The following ACTN1 variants were observed in gnomAD, a reference collection of about 807,000 sequenced individuals.
ACTN1 encodes actinin alpha 1.
A neutral mutation model predicts 119.6 loss-of-function variants in ACTN1; 30 were observed. That is an observed-to-expected ratio of 0.25 (90% CI 0.19 to 0.34). The LOEUF is 0.34. ACTN1 is among the 10% of genes least tolerant of loss of function. The pLI is 1.00. For synonymous variants in ACTN1, 429 were observed against 472.6 expected (o/e 0.91, Z 1.20); for missense variants, 764 against 1,223.4 (o/e 0.62, Z 5.60).
At chr14:68,875,045 C>T in intron 21 of ACTN1, 28 bp from the exon 22 acceptor site, 1 of 1,609,622 alleles carries the variant, frequency 6.2e-7, no homozygotes, top group Non-Finnish European at 8.5e-7. Context: ...TCAGGAAGGC[C>T]GCAAAGTCCA....
rs2033890271 is a variant in ACTN1, at chr14:68,909,759, C to G, written c.515+196G>C. Among the ~76,000 whole-genome samples the G allele has an allele frequency of 6.6e-6, 1 of 152,150 alleles. No homozygotes were observed. On this transcript the variant is annotated intron_variant, in intron 5 of 21. Coordinates refer to ENST00000394419, the MANE Select transcript of ACTN1 (RefSeq NM_001130004.2). This position sits in a 1 kb window ranked among gnomAD's most constrained non-coding sequence, Gnocchi z 4.1. ...AACCAAAGTTATATCAGGCAGCAGC[C>G]CCATCTAAGACACTGCAGGGAGAGA... is the stretch of plus-strand genomic sequence containing the variant.
At chr14:68,890,413 A>G in intron 10 of ACTN1, 127 bp from the exon 11 acceptor site, 2 of 1,132,928 alleles carry the variant, frequency 1.8e-6, no homozygotes, top group South Asian at 1.6e-5. Context: ...TCTGCCCCAT[A>G]TCCACCCTAG....
intron 1 of ACTN1, among the ~76,000 whole-genome samples, chr14:68,965,912 G>C (rs938352111): frequency 1.3e-5 from 2 of 152,190 alleles, no homozygotes; most frequent in African/African-American, 4.8e-5. Flanking sequence ...TCAACTGCAA[G>C]GTCACCTTTA....
At position 68,890,265 on chromosome 14, in the gene ACTN1, A is replaced by T. The variant is rs936028784; in HGVS notation, c.1108T>A (p.Cys370Ser). ...MVSDINNAWG[C>S]LEQVEKGYEE... ...TAGCCCTTCTCCACCTGCTCCAGGC[A>T]GCCCCAGGCATTGTTGATGTCCTGT... The change falls in exon 11 of 22, where the codon TGC becomes AGC. Residue 370 changes from cysteine (C) to serine (S), a missense_variant. Coordinates refer to ENST00000394419, the MANE Select transcript of ACTN1 (RefSeq NM_001130004.2). 6.2e-7 allele frequency: 1 copy of T among 1,614,188 alleles called. No homozygotes were observed. The highest frequency in any genetic ancestry group is 1.6e-4 in the Middle Eastern group (1 of 6,062).
At chr14:68,965,231 G>C (rs1373156467) in intron 1 of ACTN1, among the ~76,000 whole-genome samples, 1 of 152,262 alleles carries the variant, frequency 6.6e-6, no homozygotes, top group South Asian at 2.1e-4. Flanking sequence ...TGAGGGAGAA[G>C]AGGGGTAGGT....
chr14:68,943,332 G>A (rs1421519315), intron 1 of ACTN1, among the ~76,000 whole-genome samples: 4 of 152,232 alleles, frequency 2.6e-5, no homozygotes, highest in Non-Finnish European at 4.4e-5. Flanking sequence ...GTCCACCTCT[G>A]CTGAGAAGCC....
chr14:68,905,171 TCTAGA>T (rs1024630445), intron 6 of ACTN1, among the ~76,000 whole-genome samples: 8 of 152,278 alleles, frequency 5.3e-5, no homozygotes, highest in African/African-American at 1.9e-4. Context: ...AGCTCTAAAC[TCTAGA>T]CTAGTCAAGA....
Position 68,879,684 on chromosome 14 carries a change from T to A in ACTN1, c.2280+278A>T, listed in dbSNP as rs1306452934. Among the ~76,000 whole-genome samples the A allele has an allele frequency of 1.3e-5, 2 of 151,974 alleles. No homozygotes were observed. Among genetic ancestry groups the A allele is most frequent in the African/African-American group, 4.8e-5 (2 of 41,316 alleles). ...GCAGCAAGCCTTCACTGAGGGTGAC[T>A]CCTCATGGTAGGAGAGCAAGGATCA... On this transcript the variant is annotated intron_variant, in intron 18 of 21. Transcript: ENST00000394419. This position sits in a 1 kb window ranked among gnomAD's most constrained non-coding sequence, Gnocchi z 4.9.
intron 1 of ACTN1, among the ~76,000 whole-genome samples, chr14:68,968,143 C>CCA (rs2036763962): frequency 6.6e-6 from 1 of 152,168 alleles, no homozygotes; most frequent in Non-Finnish European, 1.5e-5. Context: ...ACACCAGATG[C>CCA]CACACACACG....
rs2031895683 is a variant in ACTN1, at chr14:68,885,256, T to A, written c.1385+169A>T. Among the ~76,000 whole-genome samples the A allele has an allele frequency of 6.6e-6, 1 of 151,824 alleles. No individual in the cohort carries two copies. Among genetic ancestry groups the A allele is most frequent in the African/African-American group, 2.4e-5 (1 of 41,294 alleles). ...AGGATGGCAGTGGTCCCGGGCTCCTTCCCCACCAGGAGAGATATTTGTCTC... is the reference window on the plus strand; with the variant it reads ...AGGATGGCAGTGGTCCCGGGCTCCTACCCCACCAGGAGAGATATTTGTCTC... On this transcript the variant is annotated intron_variant, in intron 12 of 21. Transcript: ENST00000394419. This position sits in a 1 kb window ranked among gnomAD's most constrained non-coding sequence, Gnocchi z 5.6.
At chr14:68,949,142 C>G (rs2036042705) in intron 1 of ACTN1, among the ~76,000 whole-genome samples, 1 of 152,184 alleles carries the variant, frequency 6.6e-6, no homozygotes, top group African/African-American at 2.4e-5. Flanking sequence ...CACACTAACC[C>G]TCTGGGAGAG....
chr14:68,965,511 C>T (rs551171628), intron 1 of ACTN1, among the ~76,000 whole-genome samples: 1 of 152,320 alleles, frequency 6.6e-6, no homozygotes, highest in South Asian at 2.1e-4. Context: ...TATGATCAGT[C>T]CACCTTGCAA....
At position 68,890,796 on chromosome 14, in the gene ACTN1, G is replaced by A. The variant is rs140398438; in HGVS notation, c.1087-510C>T. Among the ~76,000 whole-genome samples the A allele has an allele frequency of 3.5e-3, 532 of 152,244 alleles. 1 individual carries two copies. Among genetic ancestry groups the A allele is most frequent in the Middle Eastern group, 0.024 (7 of 294 alleles). The stretch of plus-strand genomic sequence containing the variant: ...ACAGAGACCCCGGCCTGGGTGAGCC[G>A]GCCAGAATTCTGGGAGGACAGATGC... On this transcript the variant is annotated intron_variant, in intron 10 of 21. Transcript: ENST00000394419.
chr14:68,887,561 C>G, intron 11 of ACTN1: 10 of 1,341,626 alleles, frequency 7.5e-6, no homozygotes, highest in Non-Finnish European at 9.9e-6. Context: ...ATATCCCACA[C>G]TATTTTCTGG....
At chr14:68,968,256 G>T (rs909199313) in intron 1 of ACTN1, among the ~76,000 whole-genome samples, 4 of 152,216 alleles carry the variant, frequency 2.6e-5, no homozygotes, top group Admixed American at 2.6e-4. Context: ...GGTGGCAGGT[G>T]TAACATACGA....
chr14:68,881,235 G>T, intron 16 of ACTN1: 1 of 416,214 alleles, frequency 2.4e-6, no homozygotes, highest in Non-Finnish European at 4.3e-6. Context: ...ACCAACTCTC[G>T]GGTACCTGTC....
chr14:68,884,807 C>T lies in ACTN1; in HGVS notation c.1462G>A (p.Ala488Thr), dbSNP rs745831948. 1 of 1,614,068 alleles carries T rather than the reference C, an allele frequency of 6.2e-7. No homozygotes were observed. Among genetic ancestry groups the T allele is most frequent in the Non-Finnish European group, 8.5e-7 (1 of 1,179,904 alleles). Residue 488 changes from alanine (A) to threonine (T), a missense_variant, in exon 13 of 22, where the codon GCC becomes ACC. By Grantham distance (58) the Ala-to-Thr change is moderately conservative. This residue lies in a region of ACTN1 where 544 missense variants were observed against 912.0 expected (regional missense o/e 0.60). Coordinates refer to ENST00000394419, the MANE Select transcript of ACTN1 (RefSeq NM_001130004.2). ...KICDQWDNLG[A>T]LTQKRREALE... Reference sequence around the variant, plus strand: ...GCTTCCCTTCGCTTCTGAGTTAGGGCCCCCAGATTGTCCCACTGGTCACAG... The same window carrying T: ...GCTTCCCTTCGCTTCTGAGTTAGGGTCCCCAGATTGTCCCACTGGTCACAG...
intron 1 of ACTN1, among the ~76,000 whole-genome samples, chr14:68,926,065 C>T (rs924063419): frequency 2.0e-5 from 3 of 152,130 alleles, no homozygotes; most frequent in South Asian, 2.1e-4. Flanking sequence ...AGAGTAACCC[C>T]GAAGGAACAT....
At position 68,882,980 on chromosome 14, in the gene ACTN1, T is replaced by A; in HGVS notation, c.1711A>T (p.Ile571Phe). 6.2e-7 allele frequency: 1 copy of A among 1,614,236 alleles called. No individual in the cohort carries two copies. Among genetic ancestry groups the A allele is most frequent in the Non-Finnish European group, 8.5e-7 (1 of 1,180,046 alleles). ...ADKERLAILG[I>F]HNEVSKIVQT... is the part of the protein sequence containing the mutation. ...ACAATCTTGGACACCTCATTGTGGA[T>A]GCCCAGGATGGCCAGGCGCTCCTTG... The change falls in exon 15 of 22, where the codon ATC becomes TTC. Residue 571 changes from isoleucine to phenylalanine, a missense_variant. Ile to Phe is a conservative substitution (Grantham distance 21). Coordinates refer to ENST00000394419, the MANE Select transcript of ACTN1 (RefSeq NM_001130004.2). The surrounding 1 kb of genome is among the most constrained non-coding windows in gnomAD (Gnocchi z 4.5).
Sources: allele counts gnomAD v4.1 joint callset (sites outside exome capture counted in the v4.1 genomes callset), GRCh38; gene constraint gnomAD v4.1.1; regional missense constraint gnomAD v4.1.1; non-coding constraint Gnocchi (gnomAD v3.1); transcripts MANE v1.5; gene names NCBI Gene and HGNC (gene_info 2026-07-23, HGNC 2026-07-21).